Variants in MTMR3 observed in about 807,000 individuals in gnomAD.
MTMR3 encodes the protein myotubularin related protein 3.
A neutral mutation model predicts 132.4 loss-of-function variants in MTMR3; 32 were observed. The ratio of observed to expected loss-of-function variants is 0.24; its 90% confidence interval spans 0.18 to 0.32. The LOEUF is 0.32. Ranked by LOEUF, MTMR3 falls within the 10% of genes least tolerant of loss-of-function variation. MTMR3 has a pLI of 1.00. For synonymous variants in MTMR3, 556 were observed against 550.3 expected, an observed-to-expected ratio of 1.01 and a Z score of -0.14; for missense variants, 1,216 against 1,489.6, an observed-to-expected ratio of 0.82 and a Z score of 3.02.
intron 1 of MTMR3, among the ~76,000 whole-genome samples, chr22:29,913,230 A>G (rs1274388462): frequency 2.0e-5 from 3 of 152,194 alleles, no homozygotes; most frequent in African/African-American, 7.2e-5. Flanking sequence ...CCTGGGTAAC[A>G]GCGAGACTCC....
intron 2 of MTMR3, among the ~76,000 whole-genome samples, chr22:29,967,193 TTGTG>T (rs10680622): frequency 0.044 from 6,255 of 141,936 alleles, 334 homozygotes; most frequent in African/African-American, 0.13. Flanking sequence ...TTCACCTCTG[TTGTG>T]TGTGTGTGTG....
In MTMR3 at chr22:30,006,761, A is replaced by G. The variant is rs575939971; in HGVS notation, c.672-353A>G. Reference sequence around the variant, plus strand: ...TTTTTTGTAAAGATGGGGTCTTGCTATGTTGCTCAGGCTGGTCTTGAACTC... The same window carrying G: ...TTTTTTGTAAAGATGGGGTCTTGCTGTGTTGCTCAGGCTGGTCTTGAACTC... On this transcript the variant is annotated intron_variant, in intron 9 of 19. Transcript: ENST00000401950. 42 of 217,544 alleles carry G rather than the reference A, an allele frequency of 1.9e-4. No individual in the cohort carries two copies. In the East Asian group the frequency reaches 5.0e-3, roughly 26 times the overall value. The allele number at this position is 217,544 out of a possible 1,614,324, so 13.5% of individuals were successfully genotyped here. A position where few individuals can be genotyped will look rare whatever the true frequency, so the allele number is the denominator to read the frequency against.
intron 2 of MTMR3, among the ~76,000 whole-genome samples, chr22:29,968,030 C>T (rs960262445): frequency 5.3e-5 from 8 of 151,914 alleles, no homozygotes; most frequent in Non-Finnish European, 8.8e-5. Flanking sequence ...TTTTGGCCAT[C>T]ATGAATAATG....
chr22:29,921,686 A>G (rs900531605), intron 1 of MTMR3, among the ~76,000 whole-genome samples: 2 of 151,976 alleles, frequency 1.3e-5, no homozygotes, highest in Non-Finnish European at 1.5e-5. Context: ...TCCCCATTCA[A>G]TCCTCTTCCT....
Position 30,013,663 on chromosome 22 carries a change from C to G in MTMR3, c.1503+122C>G, listed in dbSNP as rs1452592938. 11 of 954,054 alleles carry G rather than the reference C, an allele frequency of 1.2e-5. No homozygotes were observed. In the East Asian group the frequency reaches 2.5e-4, roughly 22 times the overall value. The allele number at this position is 954,054 out of a possible 1,614,324, so 59.1% of individuals were successfully genotyped here. On this transcript the variant is annotated intron_variant, in intron 14 of 19. Coordinates refer to ENST00000401950, the MANE Select transcript of MTMR3 (RefSeq NM_021090.4). The stretch of plus-strand genomic sequence containing the variant: ...GAATTTAATAGAGGTGATTTTTTTC[C>G]TGTTTCTGCTTTTTTTTTTAGTAAA...
In MTMR3 at chr22:30,020,724, T is replaced by C. The variant is rs375764841; in HGVS notation, c.3065T>C (p.Val1022Ala). 7 of 1,614,172 alleles carry C rather than the reference T, an allele frequency of 4.3e-6. No homozygotes were observed. Among genetic ancestry groups the C allele is most frequent in the Non-Finnish European group, 5.9e-6 (7 of 1,180,032 alleles). ...RSHLDDDGMSVYTDTIQQRLR... is the reference protein window; with the variant it reads ...RSHLDDDGMSAYTDTIQQRLR... ...CACCTGGACGATGATGGCATGTCAG[T>C]GTACACAGACACGATCCAACAGCGC... Residue 1022 changes from valine (V) to alanine (A), a missense_variant, in exon 17 of 20, where the codon GTG becomes GCG. By Grantham distance (64) the Val-to-Ala change is moderately conservative. Coordinates refer to ENST00000401950, the MANE Select transcript of MTMR3 (RefSeq NM_021090.4).
chr22:29,927,941 T>G (rs1027538470), intron 1 of MTMR3, among the ~76,000 whole-genome samples: 1 of 129,792 alleles, frequency 7.7e-6, no homozygotes, highest in Non-Finnish European at 1.8e-5. Flanking sequence ...TAGCCTTTGT[T>G]TTTTTTTTTT....
At chr22:30,016,490 C>T (rs1230937947) in intron 14 of MTMR3, 38 bp from the exon 15 acceptor site, 1 of 1,603,836 alleles carries the variant, frequency 6.2e-7, no homozygotes, top group Non-Finnish European at 8.5e-7. Context: ...AGTGTGCATG[C>T]CTGATTGCTT....
chr22:29,966,720 G>GGT (rs1343013840), intron 2 of MTMR3, among the ~76,000 whole-genome samples: 6 of 116,176 alleles, frequency 5.2e-5, no homozygotes, highest in Admixed American at 1.7e-4. Context: ...GACCTGTAGG[G>GGT]GTGTGCGTGT....
chr22:29,937,928 C>T (rs1259570768), intron 1 of MTMR3, among the ~76,000 whole-genome samples: 1 of 152,006 alleles, frequency 6.6e-6, no homozygotes. Flanking sequence ...ACAGGGTGGT[C>T]ACAGGAGAAC....
intron 1 of MTMR3, among the ~76,000 whole-genome samples, chr22:29,904,021 A>G (rs1313332165): frequency 1.3e-5 from 2 of 152,144 alleles, no homozygotes; most frequent in African/African-American, 4.8e-5. Context: ...TTTTGCCAGT[A>G]ATGGGAATTG....
chr22:29,921,290 C>G (rs927064398), intron 1 of MTMR3, among the ~76,000 whole-genome samples: 2 of 152,076 alleles, frequency 1.3e-5, no homozygotes, highest in Non-Finnish European at 2.9e-5. Flanking sequence ...TTTAAACAAC[C>G]AGTTCTCACG....
At chr22:29,899,312 C>A (rs1180690339) in intron 1 of MTMR3, among the ~76,000 whole-genome samples, 1 of 152,180 alleles carries the variant, frequency 6.6e-6, no homozygotes. Flanking sequence ...CTTGGCCTCC[C>A]AGAGTGCTGG....
chr22:29,979,103 CA>C lies in MTMR3; in HGVS notation c.210+57del, dbSNP rs745615355. On this transcript the variant is annotated intron_variant, in intron 5 of 19. Coordinates refer to ENST00000401950, the MANE Select transcript of MTMR3 (RefSeq NM_021090.4). Reference sequence around the variant, plus strand: ...TCTAAGGTAAATGGAGAAAGTAAGTCAAAAAACTTAATGCTCTCAAAGAGAG... The same window carrying C: ...TCTAAGGTAAATGGAGAAAGTAAGTCAAAAACTTAATGCTCTCAAAGAGAG... 1.3e-5 allele frequency: 16 copies of C among 1,241,962 alleles called. No homozygotes were observed. In the East Asian group the frequency reaches 3.5e-4, roughly 27 times the overall value. 76.9% of individuals were successfully genotyped at this position (1,241,962 alleles called of 1,614,324 possible).
At position 29,988,464 on chromosome 22, in the gene MTMR3, T is replaced by C. The variant is rs765201803; in HGVS notation, c.211-16T>C. The C allele has an allele frequency of 2.5e-6, 4 of 1,601,106 alleles. No individual in the cohort carries two copies. The highest frequency in any genetic ancestry group is 3.4e-6 in the Non-Finnish European group (4 of 1,170,576). ...GCCTTTTTGACTAAGAGGACTTCATTTTTTTAAAATTGCAGGTTCCATTAC... is the reference window on the plus strand; with the variant it reads ...GCCTTTTTGACTAAGAGGACTTCATCTTTTTAAAATTGCAGGTTCCATTAC... On this transcript the variant is annotated splice_polypyrimidine_tract_variant and intron_variant, in intron 5 of 19. Transcript: ENST00000401950.
intron 1 of MTMR3, among the ~76,000 whole-genome samples, chr22:29,891,621 C>T (rs1416274680): frequency 2.0e-5 from 3 of 151,592 alleles, no homozygotes; most frequent in Admixed American, 6.6e-5. Context: ...TTACTAGAGA[C>T]GGGATTTTGC....
chr22:29,918,402 TTCTC>T (rs1301777421), intron 1 of MTMR3, among the ~76,000 whole-genome samples: 2 of 152,238 alleles, frequency 1.3e-5, no homozygotes, highest in Non-Finnish European at 2.9e-5. Context: ...ATGTTTTAGT[TTCTC>T]TTTTTGATAG....
intron 3 of MTMR3, 46 bp from the exon 4 acceptor site, chr22:29,978,396 A>G: frequency 6.7e-7 from 1 of 1,498,314 alleles, no homozygotes; most frequent in African/African-American, 1.4e-5. Flanking sequence ...CCAAATATGA[A>G]TGATTAGAAG....
intron 2 of MTMR3, among the ~76,000 whole-genome samples, chr22:29,965,234 A>G (rs2066391655): frequency 6.6e-6 from 1 of 151,928 alleles, no homozygotes; most frequent in Non-Finnish European, 1.5e-5. Context: ...TCTAACACAT[A>G]CTAGATTATT....
Sources: allele counts gnomAD v4.1 joint callset (sites outside exome capture counted in the v4.1 genomes callset), GRCh38; gene constraint gnomAD v4.1.1; transcripts MANE v1.5; gene names NCBI Gene and HGNC (gene_info 2026-07-23, HGNC 2026-07-21).